Variants in COL13A1 observed in about 807,000 individuals in gnomAD.
COL13A1 encodes collagen alpha-1(XIII) chain.
Under a neutral mutation model 130.9 loss-of-function variants are expected in COL13A1, and 89 were observed. The ratio of observed to expected loss-of-function variants is 0.68; its 90% CI spans 0.57 to 0.81. The LOEUF is 0.81. COL13A1 is among the 30% of genes least tolerant of loss of function. The probability of loss-of-function intolerance (pLI) is 0.00; values close to 1 mark genes in which losing one functional copy is unlikely to be tolerated. For synonymous variants in COL13A1, 402 were observed against 341.6 expected, an observed-to-expected ratio of 1.18 and a Z score of -1.95; for missense variants, 879 against 934.6, an observed-to-expected ratio of 0.94 and a Z score of 0.78.
At chr10:69,839,739 G>T (rs1851079085) in intron 2 of COL13A1, among the ~76,000 whole-genome samples, 1 of 148,864 alleles carries the variant, frequency 6.7e-6, no homozygotes, top group African/African-American at 2.5e-5. Flanking sequence ...AGCTTGGTGT[G>T]TCTGAAGAAG....
intron 1 of COL13A1, among the ~76,000 whole-genome samples, chr10:69,812,915 G>A (rs1227495814): frequency 2.0e-5 from 3 of 152,138 alleles, no homozygotes; most frequent in African/African-American, 4.8e-5. Flanking sequence ...TTTCTGCCAT[G>A]AGCCAGACTA....
At chr10:69,876,320 G>C (rs2059564972) in intron 5 of COL13A1, among the ~76,000 whole-genome samples, 1 of 152,162 alleles carries the variant, frequency 6.6e-6, no homozygotes, top group African/African-American at 2.4e-5. Flanking sequence ...TCTTGATCCT[G>C]ACAATATTAC....
At chr10:69,929,115 C>T (rs1285011206) in intron 28 of COL13A1, 116 bp downstream of exon 28, 2 of 808,682 alleles carry the variant, frequency 2.5e-6, no homozygotes, top group Non-Finnish European at 3.9e-6. Flanking sequence ...CCTCCTGCTG[C>T]TCCAAGGCAC....
chr10:69,913,499 A>C (rs1484606637), intron 17 of COL13A1, among the ~76,000 whole-genome samples: 1 of 152,228 alleles, frequency 6.6e-6, no homozygotes, highest in East Asian at 1.9e-4. Context: ...ATTAGAAAAG[A>C]AGGAGCCCTT....
intron 13 of COL13A1, among the ~76,000 whole-genome samples, chr10:69,896,261 C>T (rs187885460): frequency 2.0e-5 from 3 of 151,928 alleles, no homozygotes; most frequent in African/African-American, 4.8e-5. Flanking sequence ...AGACACAGAA[C>T]CCAAAAGACT....
chr10:69,918,253 T>A, intron 18 of COL13A1, 32 bp from the exon 19 acceptor site: 1 of 1,609,338 alleles, frequency 6.2e-7, no homozygotes, highest in Non-Finnish European at 8.5e-7. Context: ...CTGCAGAATG[T>A]CTTCAGACCT....
intron 29 of COL13A1, 55 bp from the exon 30 acceptor site, chr10:69,930,345 C>G: frequency 2.0e-6 from 3 of 1,507,620 alleles, no homozygotes; most frequent in South Asian, 1.3e-5. Flanking sequence ...CTCTCTCCCT[C>G]TCTCCTCTTT....
At chr10:69,880,325 C>G (rs573589617) in intron 6 of COL13A1, among the ~76,000 whole-genome samples, 178 bp from the exon 7 acceptor site, 2 of 152,148 alleles carry the variant, frequency 1.3e-5, no homozygotes, top group Non-Finnish European at 2.9e-5. Flanking sequence ...TCTGTGTTGA[C>G]TCTGCTGATC....
At chr10:69,849,669 G>A (rs975943855) in intron 2 of COL13A1, among the ~76,000 whole-genome samples, 1 of 152,152 alleles carries the variant, frequency 6.6e-6, no homozygotes, top group African/African-American at 2.4e-5. Context: ...CAAGGATGGC[G>A]GCTCCCACTG....
At chr10:69,877,897 T>C (rs2059762195) in intron 5 of COL13A1, 142 bp from the exon 6 acceptor site, 2 of 636,138 alleles carry the variant, frequency 3.1e-6, no homozygotes, top group Non-Finnish European at 5.8e-6. Context: ...TTTTGCTTTG[T>C]TTCTTATTTC....
intron 1 of COL13A1, among the ~76,000 whole-genome samples, chr10:69,819,273 G>A (rs534733088): frequency 5.3e-5 from 8 of 152,354 alleles, no homozygotes; most frequent in African/African-American, 1.9e-4. Flanking sequence ...GGTCAGTGAT[G>A]AGGGTCAGGT....
chr10:69,835,861 C>A (rs1186681938), intron 2 of COL13A1, among the ~76,000 whole-genome samples: 1 of 152,268 alleles, frequency 6.6e-6, no homozygotes, highest in East Asian at 1.9e-4. Flanking sequence ...AGGGCTTACT[C>A]TGCGCCTGGC....
chr10:69,946,435 G>C (rs544273773), intron 37 of COL13A1, among the ~76,000 whole-genome samples: 12 of 152,372 alleles, frequency 7.9e-5, no homozygotes, highest in Non-Finnish European at 1.6e-4. Flanking sequence ...ATCACGGCAT[G>C]CTTTCCCACC....
chr10:69,928,296 A>T (rs1008987322), intron 27 of COL13A1, among the ~76,000 whole-genome samples: 1 of 152,162 alleles, frequency 6.6e-6, no homozygotes. Context: ...TGATAAGTGT[A>T]TATACCCAAG....
chr10:69,906,455 G>T (rs1589431374), intron 17 of COL13A1, among the ~76,000 whole-genome samples: 1 of 152,096 alleles, frequency 6.6e-6, no homozygotes, highest in Non-Finnish European at 1.5e-5. Context: ...GTGGGCTGGG[G>T]GGCCCTGTTC....
intron 2 of COL13A1, among the ~76,000 whole-genome samples, chr10:69,830,344 G>T (rs892791361): frequency 6.6e-6 from 1 of 152,232 alleles, no homozygotes; most frequent in Non-Finnish European, 1.5e-5. Context: ...CAGCAGGAGT[G>T]TGCAGAGATA....
At chr10:69,897,345 C>T in intron 13 of COL13A1, 5 of 921,246 alleles carry the variant, frequency 5.4e-6, no homozygotes, top group African/African-American at 1.7e-5. Flanking sequence ...GCCCCTCCTC[C>T]ATTCCAGCCT....
chr10:69,894,179 G>T (rs1379042250), intron 10 of COL13A1, among the ~76,000 whole-genome samples: 1 of 152,218 alleles, frequency 6.6e-6, no homozygotes, highest in Non-Finnish European at 1.5e-5. Flanking sequence ...CTGCAGCCTG[G>T]GAGGCAGGAG....
At chr10:69,879,739 C>G (rs761190942) in intron 6 of COL13A1, among the ~76,000 whole-genome samples, 1 of 152,158 alleles carries the variant, frequency 6.6e-6, no homozygotes, top group African/African-American at 2.4e-5. Flanking sequence ...GACACACACA[C>G]GCACACATGG....
Sources: allele counts gnomAD v4.1 joint callset (sites outside exome capture counted in the v4.1 genomes callset), GRCh38; gene constraint gnomAD v4.1.1; transcripts MANE v1.5; gene names NCBI Gene and HGNC (gene_info 2026-07-23, HGNC 2026-07-21).